GAB1: variants seen among roughly 807,000 people sequenced by gnomAD.
GAB1 encodes the protein GRB2-associated-binding protein 1.
In GAB1, 19 loss-of-function variants were observed where a neutral mutation model predicts 66.5. The observed-to-expected ratio is 0.29, with a 90% confidence interval of 0.20 to 0.42. GAB1 has a LOEUF of 0.42. Among genes scored for constraint, GAB1 ranks in the 10% least tolerant of loss-of-function variants. The pLI is 1.00. For missense variants in GAB1, 732 were observed against 858.5 expected (o/e 0.85, Z 1.84); for synonymous variants, 294 against 301.4 (o/e 0.98, Z 0.25).
At chr4:143,438,748 T>C (rs1434884011) in intron 4 of GAB1, 148 bp downstream of exon 4, 1 of 789,752 alleles carries the variant, frequency 1.3e-6, no homozygotes, top group Non-Finnish European at 2.0e-6. Context: ...TGGAAGGGTA[T>C]ATTGCATTCA....
intron 2 of GAB1, chr4:143,417,402 T>C: frequency 2.4e-6 from 1 of 423,238 alleles, no homozygotes; most frequent in East Asian, 7.8e-5. Flanking sequence ...ACTTTTTTAT[T>C]ATTATTATTA....
chr4:143,386,698 C>G (rs1005340500), intron 1 of GAB1, among the ~76,000 whole-genome samples: 1 of 152,038 alleles, frequency 6.6e-6, no homozygotes. Flanking sequence ...CAATTTTATA[C>G]AATATTTTAA....
At chr4:143,422,644 G>A (rs1412676038) in intron 2 of GAB1, among the ~76,000 whole-genome samples, 1 of 152,122 alleles carries the variant, frequency 6.6e-6, no homozygotes, top group Non-Finnish European at 1.5e-5. Context: ...TAACACAAGG[G>A]TATTATGGTT....
intron 8 of GAB1, among the ~76,000 whole-genome samples, chr4:143,463,128 T>G (rs1168227896): frequency 6.6e-6 from 1 of 152,160 alleles, no homozygotes; most frequent in Non-Finnish European, 1.5e-5. Context: ...AACTCTCCCT[T>G]AGAAAAGAAT....
At chr4:143,373,822 C>CCTCTCTCTCTCTCTCTCT (rs3049718) in intron 1 of GAB1, among the ~76,000 whole-genome samples, 51 of 97,832 alleles carry the variant, frequency 5.2e-4, no homozygotes, top group Non-Finnish European at 7.4e-4. Context: ...GGAGTGAAAC[C>CCTCTCTCTCTCTCTCTCT]CTCTCTCTCT....
chr4:143,345,942 G>A (rs1728972509), intron 1 of GAB1, among the ~76,000 whole-genome samples: 1 of 152,142 alleles, frequency 6.6e-6, no homozygotes, highest in Non-Finnish European at 1.5e-5. Context: ...TCCCCAGGCT[G>A]GTCTTGAACT....
At chr4:143,464,419 G>C (rs1735669903) in intron 8 of GAB1, among the ~76,000 whole-genome samples, 1 of 151,932 alleles carries the variant, frequency 6.6e-6, no homozygotes, top group Non-Finnish European at 1.5e-5. Context: ...TAGTAGAGAC[G>C]GGGTTTCACC....
chr4:143,355,518 T>C (rs1729410678), intron 1 of GAB1, among the ~76,000 whole-genome samples: 2 of 152,212 alleles, frequency 1.3e-5, no homozygotes, highest in Non-Finnish European at 1.5e-5. Context: ...GTATTCAGAT[T>C]GTTGTGCCAG....
intron 1 of GAB1, among the ~76,000 whole-genome samples, chr4:143,400,525 A>G (rs1466354022): frequency 6.6e-6 from 1 of 152,148 alleles, no homozygotes; most frequent in African/African-American, 2.4e-5. Context: ...CCCCTTCTTA[A>G]TCTATGCCAT....
rs371673702 is a variant in GAB1 at position 143,438,131 on chromosome 4, C to T, written c.726C>T (p.Tyr242=). ...MNGFFQQQMI[Y]DSPPSRAPSA... is the part of the protein sequence containing the mutation. ...GCTTTTTTCAGCAGCAAATGATATACGACTCTCCACCTTCACGTGCCCCAT... is the reference window on the plus strand; with the variant it reads ...GCTTTTTTCAGCAGCAAATGATATATGACTCTCCACCTTCACGTGCCCCAT... Residue 242 remains tyrosine (Y), a synonymous_variant, in exon 4 of 10, where the codon TAC becomes TAT. Transcript: ENST00000262994. The T allele has an allele frequency of 8.7e-5, 140 of 1,613,898 alleles. No individual in the cohort carries two copies. Among genetic ancestry groups the T allele is most frequent in the Non-Finnish European group, 1.1e-4 (125 of 1,179,992 alleles).
At chr4:143,386,572 G>A (rs1371555396) in intron 1 of GAB1, among the ~76,000 whole-genome samples, 1 of 151,972 alleles carries the variant, frequency 6.6e-6, no homozygotes. Flanking sequence ...ATTTTTTATA[G>A]GGATGAAGTC....
At chr4:143,429,839 A>G (rs1181301419) in intron 2 of GAB1, among the ~76,000 whole-genome samples, 1 of 152,144 alleles carries the variant, frequency 6.6e-6, no homozygotes, top group Non-Finnish European at 1.5e-5. Context: ...AATACTCACA[A>G]CTAGTTTCCA....
At chr4:143,406,887 A>C (rs1471837822) in intron 1 of GAB1, among the ~76,000 whole-genome samples, 4 of 152,236 alleles carry the variant, frequency 2.6e-5, no homozygotes, top group Non-Finnish European at 4.4e-5. Context: ...ATGAGGACAG[A>C]AGTGAAATGG....
chr4:143,357,446 G>T (rs754989952), intron 1 of GAB1, among the ~76,000 whole-genome samples: 3 of 152,166 alleles, frequency 2.0e-5, no homozygotes, highest in Non-Finnish European at 4.4e-5. Flanking sequence ...GGTTTTAAGG[G>T]TGAGAACATG....
chr4:143,366,903 C>T lies in GAB1; in HGVS notation c.72+29643C>T, dbSNP rs74407067. On this transcript the variant is annotated intron_variant, in intron 1 of 9. Transcript: ENST00000262994. ...CATTTCTCTTACCTGTCTCTGTCCA[C>T]GTCTCATGTCTTTCGTGGTTGGGTG... Among the ~76,000 whole-genome samples, 429 of 152,108 alleles carry T rather than the reference C, an allele frequency of 2.8e-3. 3 individuals are homozygous for T. Among genetic ancestry groups the T allele is most frequent in the African/African-American group, 9.8e-3 (405 of 41,430 alleles).
Position 143,347,175 on chromosome 4 carries a change from T to A in GAB1, c.72+9915T>A, listed in dbSNP as rs112125196. Reference sequence around the variant, plus strand: ...GAGGACAGAGATGGCATTTGTTCTCTTGTCTCAAATATACAGTATGGTGCC... The same window carrying A: ...GAGGACAGAGATGGCATTTGTTCTCATGTCTCAAATATACAGTATGGTGCC... On this transcript the variant is annotated intron_variant, in intron 1 of 9. Transcript: ENST00000262994. Among the ~76,000 whole-genome samples the A allele has an allele frequency of 1.5e-3, 229 of 152,124 alleles. 2 individuals are homozygous for A. Among genetic ancestry groups the A allele is most frequent in the African/African-American group, 5.3e-3 (221 of 41,356 alleles).
At chr4:143,420,145 T>A (rs147903750) in intron 2 of GAB1, among the ~76,000 whole-genome samples, 131 of 152,252 alleles carry the variant, frequency 8.6e-4, no homozygotes, top group African/African-American at 3.1e-3. Flanking sequence ...TGTTTTTATC[T>A]AGATCTGTCC....
intron 1 of GAB1, among the ~76,000 whole-genome samples, chr4:143,375,155 C>T (rs889057531): frequency 6.6e-6 from 1 of 152,168 alleles, no homozygotes; most frequent in Non-Finnish European, 1.5e-5. Context: ...ACCATGTTGC[C>T]CAAGGTGGTC....
chr4:143,462,724 G>A (rs954199105), intron 8 of GAB1, among the ~76,000 whole-genome samples: 3 of 151,770 alleles, frequency 2.0e-5, no homozygotes, highest in Admixed American at 6.6e-5. Context: ...GCAGTAGCGC[G>A]ATCTCAACTC....
Sources: gnomAD v4.1 joint callset for allele counts (sites outside exome capture counted in the v4.1 genomes callset) on GRCh38, gnomAD v4.1.1 for gene constraint, MANE v1.5 for transcripts, NCBI Gene and HGNC (gene_info 2026-07-23, HGNC 2026-07-21) for gene names.